ARL15: variants seen among roughly 807,000 people sequenced by gnomAD.
ARL15 encodes ARF like GTPase 15, also known as ADP-ribosylation factor-like protein 15.
Under a neutral mutation model 25.2 loss-of-function variants are expected in ARL15, and 19 were observed. The observed-to-expected ratio is 0.75, with a 90% CI of 0.53 to 1.10. The LOEUF (loss-of-function observed/expected upper bound fraction) is 1.10, where lower values mean the gene tolerates loss of function less well. Among genes scored for constraint, ARL15 ranks in the 50% least tolerant of loss-of-function variants. The probability of loss-of-function intolerance (pLI) is 0.00; values close to 1 mark genes in which losing one functional copy is unlikely to be tolerated. For synonymous variants in ARL15, 94 were observed against 86.8 expected, an observed-to-expected ratio of 1.08 and a Z score of -0.46; for missense variants, 220 against 246.0, an observed-to-expected ratio of 0.89 and a Z score of 0.71.
intron 1 of ARL15, among the ~76,000 whole-genome samples, chr5:54,174,469 T>C (rs1363893724): frequency 6.6e-6 from 1 of 152,186 alleles, no homozygotes; most frequent in Non-Finnish European, 1.5e-5. Context: ...TCTGCCTGCT[T>C]CTGGTAAACA....
intron 4 of ARL15, among the ~76,000 whole-genome samples, chr5:53,907,740 C>T (rs1745318711): frequency 6.6e-6 from 1 of 151,632 alleles, no homozygotes; most frequent in African/African-American, 2.4e-5. Context: ...TCGTGATCTG[C>T]CTGCCTCAGC....
chr5:54,288,286 G>A (rs999853030), intron 1 of ARL15, among the ~76,000 whole-genome samples: 1 of 152,180 alleles, frequency 6.6e-6, no homozygotes, highest in African/African-American at 2.4e-5. Flanking sequence ...GATATAATTA[G>A]TAAGTCTTAC....
chr5:54,249,887 G>A (rs1757197054), intron 1 of ARL15, among the ~76,000 whole-genome samples: 1 of 152,174 alleles, frequency 6.6e-6, no homozygotes, highest in Admixed American at 6.5e-5. Context: ...GAGTTAGAGT[G>A]GCTGTGCCTG....
chr5:54,268,965 G>A (rs1292279354), intron 1 of ARL15, among the ~76,000 whole-genome samples: 9 of 151,566 alleles, frequency 5.9e-5, no homozygotes, highest in Non-Finnish European at 7.4e-5. Context: ...GTAAACTATC[G>A]CAAGAACAAA....
intron 3 of ARL15, among the ~76,000 whole-genome samples, chr5:54,126,509 C>G (rs1034913171): frequency 4.6e-5 from 7 of 152,188 alleles, no homozygotes; most frequent in Non-Finnish European, 1.5e-5. Context: ...TTGCCAAGCT[C>G]TTTGAAACTT....
intron 4 of ARL15, among the ~76,000 whole-genome samples, chr5:54,068,987 T>C (rs1453314850): frequency 2.6e-5 from 4 of 152,214 alleles, no homozygotes. Context: ...AAATGTTTGC[T>C]GTTAATTGTA....
intron 4 of ARL15, among the ~76,000 whole-genome samples, chr5:54,074,032 T>G (rs1751503952): frequency 6.6e-6 from 1 of 152,214 alleles, no homozygotes; most frequent in South Asian, 2.1e-4. Flanking sequence ...AGAGTGGAAC[T>G]ATTTTATTTA....
chr5:54,035,096 G>C (rs969797454), intron 4 of ARL15, among the ~76,000 whole-genome samples: 3 of 147,228 alleles, frequency 2.0e-5, no homozygotes, highest in Non-Finnish European at 4.5e-5. Context: ...AATGAAATAG[G>C]TTAATTAAAA....
At chr5:54,240,007 C>G (rs1756915841) in intron 1 of ARL15, among the ~76,000 whole-genome samples, 1 of 152,102 alleles carries the variant, frequency 6.6e-6, no homozygotes, top group Admixed American at 6.5e-5. Flanking sequence ...GCAGGCGGAT[C>G]ACGAGGTCAG....
chr5:54,037,575 T>G (rs1443834047), intron 4 of ARL15, among the ~76,000 whole-genome samples: 3 of 152,036 alleles, frequency 2.0e-5, no homozygotes, highest in African/African-American at 7.2e-5. Context: ...TATCATTAGG[T>G]TTTACCTGCC....
intron 4 of ARL15, among the ~76,000 whole-genome samples, chr5:53,909,396 T>A (rs1173190959): frequency 6.6e-6 from 1 of 152,120 alleles, no homozygotes; most frequent in Non-Finnish European, 1.5e-5. Context: ...TTTTGTATTT[T>A]AAAAAAACTA....
intron 4 of ARL15, among the ~76,000 whole-genome samples, chr5:53,911,356 C>T (rs1745458056): frequency 6.6e-6 from 1 of 152,056 alleles, no homozygotes; most frequent in Admixed American, 6.6e-5. Flanking sequence ...ATCCTTCCTT[C>T]TTTCCTTTGT....
chr5:54,242,104 C>T (rs567814852), intron 1 of ARL15, among the ~76,000 whole-genome samples: 1 of 152,226 alleles, frequency 6.6e-6, no homozygotes, highest in East Asian at 1.9e-4. Context: ...AGCAATGCCT[C>T]CTGAGGGACC....
chr5:54,122,299 CA>C (rs1753104457), intron 3 of ARL15, among the ~76,000 whole-genome samples: 2 of 152,222 alleles, frequency 1.3e-5, no homozygotes, highest in South Asian at 4.1e-4. Flanking sequence ...CATGTTCTTT[CA>C]GTACAGGTGT....
Position 54,243,164 on chromosome 5 carries a change from C to T in ARL15, c.48+67268G>A, listed in dbSNP as rs1013793402. On this transcript the variant is annotated intron_variant, in intron 1 of 4. Transcript: ENST00000504924. ...AAGATTTTAAAAGGAGGTGGCAGGC[C>T]ATTAAAAACAACATGACAAATCATT... 6.6e-5 allele frequency among the ~76,000 whole-genome samples: 10 copies of T among 152,258 alleles called. 1 individual carries two copies. The highest frequency in any genetic ancestry group is 6.5e-4 in the Admixed American group (10 of 15,298).
At chr5:54,188,355 G>A (rs779661786) in intron 1 of ARL15, among the ~76,000 whole-genome samples, 7 of 152,026 alleles carry the variant, frequency 4.6e-5, no homozygotes, top group Non-Finnish European at 7.4e-5. Flanking sequence ...TCATTTGCTT[G>A]GTGAATCTGT....
rs373068369 is a variant in ARL15, at chr5:54,023,293, A to AGATGTGT, written c.462+89908_462+89909insACACATC. Among the ~76,000 whole-genome samples the AGATGTGT allele has an allele frequency of 8.8e-4, 17 of 19,406 alleles. No individual in the cohort carries two copies. The South Asian group carries it at 0.022, about 25-fold the overall frequency. The allele number at this position is 19,406 out of a possible 152,430, so 12.7% of individuals were successfully genotyped here. A position where few individuals can be genotyped will look rare whatever the true frequency, so the allele number is the denominator to read the frequency against. ...CTAAAACGACACTAAAAATCTAAAC[A>AGATGTGT]GACACATTTAAAAATATTACAGATA... On this transcript the variant is annotated intron_variant, in intron 4 of 4. Coordinates refer to ENST00000504924, the MANE Select transcript of ARL15 (RefSeq NM_019087.3).
intron 4 of ARL15, among the ~76,000 whole-genome samples, chr5:53,953,711 G>A (rs2112125326): frequency 6.6e-6 from 1 of 152,226 alleles, no homozygotes; most frequent in East Asian, 1.9e-4. Context: ...GGAAGAGGAG[G>A]TGTCAGCCAA....
intron 4 of ARL15, among the ~76,000 whole-genome samples, chr5:54,033,795 T>C (rs897894831): frequency 6.6e-6 from 1 of 152,172 alleles, no homozygotes; most frequent in Non-Finnish European, 1.5e-5. Flanking sequence ...CATTAAAATT[T>C]TACTGACAAA....
Sources: allele counts gnomAD v4.1 joint callset (sites outside exome capture counted in the v4.1 genomes callset), GRCh38; gene constraint gnomAD v4.1.1; transcripts MANE v1.5; gene names NCBI Gene and HGNC (gene_info 2026-07-23, HGNC 2026-07-21).